Variants in CLEC1A observed in about 807,000 individuals in gnomAD.
CLEC1A encodes C-type lectin-like receptor-1.
Under a neutral mutation model 28.7 loss-of-function variants are expected in CLEC1A, and 34 were observed. The ratio of observed to expected loss-of-function variants is 1.18; its 90% confidence interval spans 0.90 to 1.57. The LOEUF (loss-of-function observed/expected upper bound fraction) is 1.57. Ranked by LOEUF, CLEC1A falls within the 40% of genes most tolerant of loss-of-function variation. The pLI, the probability that CLEC1A is intolerant of heterozygous loss-of-function variation, is 0.00. For synonymous variants in CLEC1A, 116 were observed against 121.0 expected (o/e 0.96, Z 0.27); for missense variants, 385 against 339.5 (o/e 1.13, Z -1.05).
intron 2 of CLEC1A, among the ~76,000 whole-genome samples, chr12:10,083,158 G>C (rs1292618025): frequency 6.6e-6 from 1 of 152,212 alleles, no homozygotes; most frequent in Admixed American, 6.5e-5. Flanking sequence ...CCTAGGGGAA[G>C]GGGGAGAGCA....
chr12:10,073,908 AT>A (rs1264946950), intron 4 of CLEC1A, among the ~76,000 whole-genome samples: 2 of 152,224 alleles, frequency 1.3e-5, no homozygotes, highest in African/African-American at 4.8e-5. Context: ...AAATTTTTAA[AT>A]TTCTATCTAT....
At chr12:10,079,587 G>A (rs954250447) in intron 3 of CLEC1A, among the ~76,000 whole-genome samples, 6 of 152,070 alleles carry the variant, frequency 3.9e-5, no homozygotes, top group Admixed American at 2.0e-4. Flanking sequence ...TTGGGAGGCT[G>A]AGGCGGGCAG....
rs1470431729 is a variant in CLEC1A at position 10,081,226 on chromosome 12, G to T, written c.391+11C>A. ...GACAACATGGGGACAGAGTGACCAGGACACACTTACCTCCAGCTTTGTTAT... is the reference window on the plus strand; with the variant it reads ...GACAACATGGGGACAGAGTGACCAGTACACACTTACCTCCAGCTTTGTTAT... On this transcript the variant is annotated intron_variant, in intron 3 of 5. Transcript: ENST00000315330. 2.6e-6 allele frequency: 4 copies of T among 1,557,524 alleles called. No individual in the cohort carries two copies. In the African/African-American group the frequency reaches 4.2e-5, roughly 16 times the overall value.
chr12:10,092,040 T>A (rs189759540), intron 1 of CLEC1A, among the ~76,000 whole-genome samples: 5 of 152,168 alleles, frequency 3.3e-5, no homozygotes, highest in Admixed American at 1.3e-4. Flanking sequence ...ACCTGTGTTA[T>A]ATGCCTGCCT....
chr12:10,075,412 C>T (rs1866229129), intron 4 of CLEC1A, 92 bp downstream of exon 4: 1 of 1,374,760 alleles, frequency 7.3e-7, no homozygotes, highest in Non-Finnish European at 1.0e-6. Context: ...AACCTGTGGA[C>T]CGATATTCTT....
intron 4 of CLEC1A, 67 bp from the exon 5 acceptor site, chr12:10,073,478 T>C (rs943829912): frequency 8.7e-7 from 1 of 1,151,942 alleles, no homozygotes; most frequent in South Asian, 1.3e-5. Flanking sequence ...CAGACATGCA[T>C]GGGCCAGCCA....
intron 2 of CLEC1A, among the ~76,000 whole-genome samples, chr12:10,082,984 A>G (rs1222659995): frequency 2.0e-5 from 3 of 152,254 alleles, no homozygotes; most frequent in Non-Finnish European, 4.4e-5. Flanking sequence ...CAACTTCACC[A>G]GAGCAGGTGC....
intron 2 of CLEC1A, among the ~76,000 whole-genome samples, chr12:10,084,821 C>CA (rs57574014): frequency 0.012 from 976 of 83,670 alleles, 42 homozygotes; most frequent in Non-Finnish European, 0.016. Context: ...GACTCTGTAT[C>CA]AAAAAAAAAA....
Position 10,070,976 on chromosome 12 carries a change from T to C in CLEC1A, c.*357A>G, listed in dbSNP as rs1866113726. ...GGATGTTACCTCAATGTATTTCCTC[T>C]ACTTCAAAAAGTTTCTTATTCCACC... On this transcript the variant is annotated 3_prime_UTR_variant, in exon 6 of 6. Coordinates refer to ENST00000315330, the MANE Select transcript of CLEC1A (RefSeq NM_016511.4). 1 of 164,884 alleles carries C rather than the reference T, an allele frequency of 6.1e-6. No individual in the cohort carries two copies. The highest frequency in any genetic ancestry group is 6.4e-5 in the Admixed American group (1 of 15,642). 10.2% of individuals were successfully genotyped at this position (164,884 alleles called of 1,614,324 possible). A position where few individuals can be genotyped will look rare whatever the true frequency, so the allele number is the denominator to read the frequency against.
intron 2 of CLEC1A, among the ~76,000 whole-genome samples, chr12:10,088,371 T>C (rs1866544398): frequency 6.6e-6 from 1 of 152,174 alleles, no homozygotes; most frequent in Admixed American, 6.5e-5. Flanking sequence ...AAAATTCCTA[T>C]AAAACCCAAT....
intron 5 of CLEC1A, 42 bp from the exon 6 acceptor site, chr12:10,071,555 TC>T: frequency 6.8e-7 from 1 of 1,461,452 alleles, no homozygotes; most frequent in Non-Finnish European, 9.3e-7. Flanking sequence ...ACGGTTTATT[TC>T]TAAAATAAAA....
chr12:10,072,833 C>T lies in CLEC1A; in HGVS notation c.662+460G>A, dbSNP rs547273662. Among the ~76,000 whole-genome samples, 5 of 152,308 alleles carry T rather than the reference C, an allele frequency of 3.3e-5. No individual in the cohort carries two copies. In the South Asian group the frequency reaches 8.3e-4, roughly 25 times the overall value. ...GTGGCTCATGCTTGTAATCTCAGCA[C>T]TTTGGGAGGCCAAGATGGGCAAATC... On this transcript the variant is annotated intron_variant, in intron 5 of 5. Coordinates refer to ENST00000315330, the MANE Select transcript of CLEC1A (RefSeq NM_016511.4).
intron 1 of CLEC1A, among the ~76,000 whole-genome samples, chr12:10,094,766 A>C (rs1399814940): frequency 6.6e-6 from 1 of 152,176 alleles, no homozygotes; most frequent in Non-Finnish European, 1.5e-5. Context: ...TCTGCCAGCA[A>C]GATGAATTCT....
chr12:10,083,528 G>A (rs1179497599), intron 2 of CLEC1A, among the ~76,000 whole-genome samples: 1 of 152,204 alleles, frequency 6.6e-6, no homozygotes. Flanking sequence ...GAACGCAGTA[G>A]TGTGATCTTG....
At chr12:10,080,085 G>T (rs1228682433) in intron 3 of CLEC1A, among the ~76,000 whole-genome samples, 1 of 152,062 alleles carries the variant, frequency 6.6e-6, no homozygotes, top group South Asian at 2.1e-4. Context: ...GGGGCAGGGG[G>T]AACACCTGAG....
At chr12:10,094,428 CTT>C (rs1209759035) in intron 1 of CLEC1A, among the ~76,000 whole-genome samples, 1 of 151,764 alleles carries the variant, frequency 6.6e-6, no homozygotes, top group African/African-American at 2.4e-5. Flanking sequence ...TTCTCCATGT[CTT>C]TATATAGAAT....
chr12:10,077,426 C>T (rs1016599121), intron 3 of CLEC1A, among the ~76,000 whole-genome samples: 13 of 152,204 alleles, frequency 8.5e-5, no homozygotes, highest in African/African-American at 2.6e-4. Context: ...TCTCTGCTCC[C>T]CCCAAAAATA....
At chr12:10,077,944 G>A (rs945934931) in intron 3 of CLEC1A, among the ~76,000 whole-genome samples, 20 of 152,036 alleles carry the variant, frequency 1.3e-4, no homozygotes, top group South Asian at 4.2e-4. Flanking sequence ...CCTTTCACTC[G>A]ACCACATCTC....
chr12:10,075,085 T>G (rs1049203524), intron 4 of CLEC1A, among the ~76,000 whole-genome samples: 2 of 152,236 alleles, frequency 1.3e-5, no homozygotes, highest in Non-Finnish European at 2.9e-5. Context: ...AAGCAAGATA[T>G]ACATTTGCAG....
Sources: gnomAD v4.1 joint callset for allele counts (sites outside exome capture counted in the v4.1 genomes callset) on GRCh38, gnomAD v4.1.1 for gene constraint, MANE v1.5 for transcripts, NCBI Gene and HGNC (gene_info 2026-07-23, HGNC 2026-07-21) for gene names.